Variants in SORCS1 observed in about 807,000 individuals in gnomAD.
SORCS1 encodes VPS10 domain-containing receptor SorCS1.
SORCS1 carries 60 observed loss-of-function variants against 146.1 expected under a neutral mutation model. The ratio of observed to expected loss-of-function variants is 0.41; its 90% CI spans 0.33 to 0.51. SORCS1 has a LOEUF of 0.51. Ranked by LOEUF, SORCS1 falls within the 20% of genes least tolerant of loss-of-function variation. The probability of loss-of-function intolerance (pLI) is 0.21; values close to 1 mark genes in which losing one functional copy is unlikely to be tolerated. For missense variants in SORCS1, 1,352 were observed against 1,487.6 expected (o/e 0.91, Z 1.50); for synonymous variants, 637 against 584.0 (o/e 1.09, Z -1.31).
chr10:107,098,564 T>C (rs1964691217), intron 1 of SORCS1, among the ~76,000 whole-genome samples: 1 of 152,216 alleles, frequency 6.6e-6, no homozygotes, highest in Non-Finnish European at 1.5e-5. Flanking sequence ...GAATTTACTG[T>C]TTTCTGTCTG....
At chr10:106,590,304 T>A (rs1226714001) in intron 24 of SORCS1, among the ~76,000 whole-genome samples, 2 of 152,188 alleles carry the variant, frequency 1.3e-5, no homozygotes, top group Admixed American at 1.3e-4. Context: ...TTAGTAAAGT[T>A]TCATGCAACT....
At chr10:106,906,371 C>T (rs1339678621) in intron 2 of SORCS1, among the ~76,000 whole-genome samples, 1 of 152,208 alleles carries the variant, frequency 6.6e-6, no homozygotes, top group Non-Finnish European at 1.5e-5. Flanking sequence ...GCCTCGGCCT[C>T]CCAAAGTGCT....
chr10:107,108,610 T>C (rs542133322), intron 1 of SORCS1, among the ~76,000 whole-genome samples: 1 of 152,252 alleles, frequency 6.6e-6, no homozygotes, highest in South Asian at 2.1e-4. Flanking sequence ...AACATGAGAT[T>C]CAGGCAGGAA....
chr10:107,090,754 C>G (rs1454782084), intron 1 of SORCS1, among the ~76,000 whole-genome samples: 3 of 152,138 alleles, frequency 2.0e-5, no homozygotes, highest in Non-Finnish European at 4.4e-5. Flanking sequence ...AACCAAAGCC[C>G]TTATTTTGAT....
intron 3 of SORCS1, among the ~76,000 whole-genome samples, chr10:106,829,148 T>A (rs543588367): frequency 1.3e-5 from 2 of 152,358 alleles, no homozygotes; most frequent in African/African-American, 4.8e-5. Flanking sequence ...ACTTCCTATC[T>A]GCTGCAGGAC....
chr10:106,770,928 G>A (rs1859972780), intron 4 of SORCS1, among the ~76,000 whole-genome samples: 1 of 152,206 alleles, frequency 6.6e-6, no homozygotes, highest in Non-Finnish European at 1.5e-5. Context: ...ACAAGGGTGG[G>A]AATTGCACAG....
At chr10:106,924,009 G>A (rs948919395) in intron 2 of SORCS1, among the ~76,000 whole-genome samples, 3 of 152,122 alleles carry the variant, frequency 2.0e-5, no homozygotes, top group African/African-American at 7.2e-5. Context: ...TGTAATTCCA[G>A]CACTTTGGGA....
intron 1 of SORCS1, among the ~76,000 whole-genome samples, chr10:107,156,315 C>G (rs1299364344): frequency 6.6e-6 from 1 of 152,198 alleles, no homozygotes; most frequent in Non-Finnish European, 1.5e-5. Flanking sequence ...CTGCCACCTG[C>G]TAGCTGGGTA....
At chr10:106,902,860 C>T (rs936487901) in intron 2 of SORCS1, among the ~76,000 whole-genome samples, 1 of 152,190 alleles carries the variant, frequency 6.6e-6, no homozygotes, top group Non-Finnish European at 1.5e-5. Context: ...GAGTGGATCA[C>T]AAGGTCAGGA....
chr10:106,770,787 C>T, intron 4 of SORCS1, among the ~76,000 whole-genome samples: 1 of 152,210 alleles, frequency 6.6e-6, no homozygotes. Flanking sequence ...TTGACAATAT[C>T]CCTCCCTCCT....
At chr10:106,706,721 G>T in intron 7 of SORCS1, 87 bp from the exon 8 acceptor site, 1 of 1,212,104 alleles carries the variant, frequency 8.3e-7, no homozygotes, top group Admixed American at 1.8e-5. Context: ...GAAGGAGGAA[G>T]CTTCCAACAC....
In SORCS1 at chr10:106,983,419, C is replaced by T. The variant is rs552998851; in HGVS notation, c.559-26839G>A. ...AGTATTATTTTCTTATATACTTTAC[C>T]TCATAGGTAGTAGACAACCTAATGT... On this transcript the variant is annotated intron_variant, in intron 1 of 25. Coordinates refer to ENST00000263054, the MANE Select transcript of SORCS1 (RefSeq NM_052918.5). Among the ~76,000 whole-genome samples the T allele has an allele frequency of 2.3e-4, 35 of 151,700 alleles. 2 individuals carry two copies. In the South Asian group the frequency reaches 6.7e-3, roughly 29 times the overall value.
intron 1 of SORCS1, among the ~76,000 whole-genome samples, chr10:106,958,539 C>T (rs1266844551): frequency 6.6e-6 from 1 of 152,128 alleles, no homozygotes; most frequent in Non-Finnish European, 1.5e-5. Context: ...ACTCCCTGAC[C>T]TTAGGTTTGT....
chr10:106,724,268 G>C (rs1441296342), intron 6 of SORCS1, among the ~76,000 whole-genome samples: 2 of 152,124 alleles, frequency 1.3e-5, no homozygotes, highest in Admixed American at 6.5e-5. Context: ...CAGCACTTTG[G>C]GAGGCCGAGG....
At chr10:107,070,806 G>A (rs1342666615) in intron 1 of SORCS1, among the ~76,000 whole-genome samples, 1 of 151,906 alleles carries the variant, frequency 6.6e-6, no homozygotes, top group Non-Finnish European at 1.5e-5. Flanking sequence ...TACTCTTTTG[G>A]AGAATCTAAT....
intron 1 of SORCS1, among the ~76,000 whole-genome samples, chr10:107,109,815 TC>T (rs984792452): frequency 6.6e-6 from 1 of 152,192 alleles, no homozygotes; most frequent in Admixed American, 6.5e-5. Flanking sequence ...AAATATAACA[TC>T]CAACTTTAAG....
At chr10:106,920,093 C>T (rs2138385207) in intron 2 of SORCS1, among the ~76,000 whole-genome samples, 1 of 152,250 alleles carries the variant, frequency 6.6e-6, no homozygotes, top group Non-Finnish European at 1.5e-5. Flanking sequence ...AAAAAAGAAG[C>T]TTTGGACAGA....
At chr10:107,030,857 A>G (rs1246732088) in intron 1 of SORCS1, among the ~76,000 whole-genome samples, 2 of 152,208 alleles carry the variant, frequency 1.3e-5, no homozygotes, top group African/African-American at 4.8e-5. Context: ...CAAAATCACA[A>G]GGACAAAAAA....
chr10:106,885,563 CTG>C (rs1487816485), intron 2 of SORCS1, among the ~76,000 whole-genome samples: 1 of 148,438 alleles, frequency 6.7e-6, no homozygotes, highest in Non-Finnish European at 1.5e-5. Flanking sequence ...ACAGGGCTAT[CTG>C]GAGGACAGTG....
Sources: allele counts gnomAD v4.1 joint callset (sites outside exome capture counted in the v4.1 genomes callset), GRCh38; gene constraint gnomAD v4.1.1; transcripts MANE v1.5; gene names NCBI Gene and HGNC (gene_info 2026-07-23, HGNC 2026-07-21).